RLF: variants seen among roughly 807,000 people sequenced by gnomAD.
RLF encodes the protein RLF zinc finger.
In RLF, 7 loss-of-function variants were observed where a neutral mutation model predicts 162.9. The ratio of observed to expected loss-of-function variants is 0.04; its 90% CI spans 0.02 to 0.08. The LOEUF is 0.08. Ranked by LOEUF, RLF falls within the 10% of genes least tolerant of loss-of-function variation. The pLI, the probability that RLF is intolerant of heterozygous loss-of-function variation, is 1.00. For missense variants in RLF, 1,664 were observed against 2,244.7 expected (o/e 0.74, Z 5.23); for synonymous variants, 782 against 791.5 (o/e 0.99, Z 0.20).
In RLF at chr1:40,235,878, A is replaced by G. The variant is rs1464492384; in HGVS notation, c.1176A>G (p.Ala392=). 2 of 1,614,134 alleles carry G rather than the reference A, an allele frequency of 1.2e-6. No homozygotes were observed. Among genetic ancestry groups the G allele is most frequent in the Non-Finnish European group, 1.7e-6 (2 of 1,179,990 alleles). Residue 392 remains alanine (A), a synonymous_variant, in exon 8 of 8, where the codon GCA becomes GCG. Coordinates refer to ENST00000372771, the MANE Select transcript of RLF (RefSeq NM_012421.4). ...LRSSEDEEMK[A]SVCKTIACLL... The stretch of plus-strand genomic sequence containing the variant: ...CAAGTGAAGATGAGGAAATGAAGGC[A>G]TCAGTTTGTAAAACAATTGCCTGTC...
rs182511008 is a variant in RLF, at chr1:40,213,374, C to A, written c.811-9200C>A. ...TCAAGAATTCAGCAGGACGTTTCAG[C>A]CTTCTTTCAGATACACACTGTGATA... is the stretch of plus-strand genomic sequence containing the variant. On this transcript the variant is annotated intron_variant, in intron 5 of 7. Transcript: ENST00000372771. Among the ~76,000 whole-genome samples, 42 of 152,290 alleles carry A rather than the reference C, an allele frequency of 2.8e-4. 1 individual carries two copies. The East Asian group carries it at 5.0e-3, about 18-fold the overall frequency.
intron 1 of RLF, among the ~76,000 whole-genome samples, chr1:40,170,536 A>G (rs950164568): frequency 1.3e-5 from 2 of 152,122 alleles, no homozygotes; most frequent in Admixed American, 6.5e-5. Flanking sequence ...GTGAGTGCCA[A>G]CTTGCCCGGC....
At position 40,202,634 on chromosome 1, in the gene RLF, C is replaced by T. The variant is rs761696896; in HGVS notation, c.810+20C>T. 4 of 1,359,514 alleles carry T rather than the reference C, an allele frequency of 2.9e-6. No individual in the cohort carries two copies. Among genetic ancestry groups the T allele is most frequent in the Non-Finnish European group, 4.0e-6 (4 of 1,000,512 alleles). The allele number at this position is 1,359,514 out of a possible 1,614,324, so 84.2% of individuals were successfully genotyped here. On this transcript the variant is annotated intron_variant, in intron 5 of 7. Transcript: ENST00000372771. ...AAGGAGGTGAGTAAATAATTGTTGT[C>T]ATTCAAACTTGGTATTAATTTAATA...
intron 6 of RLF, among the ~76,000 whole-genome samples, chr1:40,225,807 G>A (rs1332793782): frequency 6.9e-6 from 1 of 145,794 alleles, no homozygotes; most frequent in Non-Finnish European, 1.5e-5. Flanking sequence ...AACCTGGGAG[G>A]CAGAGCTTGC....
intron 1 of RLF, among the ~76,000 whole-genome samples, chr1:40,173,758 G>A (rs780017131): frequency 2.6e-5 from 4 of 151,988 alleles, no homozygotes; most frequent in Non-Finnish European, 4.4e-5. Flanking sequence ...CAAGTGATCC[G>A]CCCACCTTGG....
Position 40,238,466 on chromosome 1 carries a change from C to G in RLF, c.3764C>G (p.Thr1255Arg), listed in dbSNP as rs557463951. ...HPKKDECSSE[T>R]DLESSCEETE... ...AAAAAGGATGAATGTAGTTCTGAAA[C>G]AGATTTGGAATCATCTTGTGAAGAA... The change falls in exon 8 of 8, where the codon ACA becomes AGA. Residue 1255 changes from threonine to arginine, a missense_variant. By Grantham distance (71) the Thr-to-Arg change is moderately conservative. Around this residue, in one of 15 missense-constraint regions of RLF, gnomAD observed 102 missense variants for 109.5 expected, o/e 0.93. Coordinates refer to ENST00000372771, the MANE Select transcript of RLF (RefSeq NM_012421.4). This position sits in a 1 kb window ranked among gnomAD's most constrained non-coding sequence, Gnocchi z 5.2. 1.9e-6 allele frequency: 3 copies of G among 1,614,080 alleles called. No homozygotes were observed. The highest frequency in any genetic ancestry group is 2.5e-6 in the Non-Finnish European group (3 of 1,180,000).
intron 1 of RLF, among the ~76,000 whole-genome samples, chr1:40,169,645 AT>A (rs1166560067): frequency 6.7e-5 from 10 of 149,746 alleles, no homozygotes; most frequent in African/African-American, 2.0e-4. Flanking sequence ...AAAAAAAAAA[AT>A]AAGTGCTTCT....
intron 6 of RLF, among the ~76,000 whole-genome samples, chr1:40,227,667 T>G: frequency 6.6e-6 from 1 of 152,180 alleles, no homozygotes; most frequent in East Asian, 1.9e-4. Flanking sequence ...AATACTTAAT[T>G]TGGAATAAAC....
chr1:40,193,034 T>C (rs1460925264), intron 3 of RLF, among the ~76,000 whole-genome samples: 1 of 151,756 alleles, frequency 6.6e-6, no homozygotes, highest in Non-Finnish European at 1.5e-5. Flanking sequence ...GAATTCTGTT[T>C]TGTGGTTGTG....
At chr1:40,200,922 A>T (rs1642705740) in intron 4 of RLF, among the ~76,000 whole-genome samples, 1 of 128,300 alleles carries the variant, frequency 7.8e-6, no homozygotes, top group Admixed American at 7.8e-5. Flanking sequence ...ACACACACAC[A>T]CACACACACA....
At chr1:40,225,135 GAT>G (rs1222698893) in intron 6 of RLF, among the ~76,000 whole-genome samples, 1 of 152,098 alleles carries the variant, frequency 6.6e-6, no homozygotes, top group African/African-American at 2.4e-5. Context: ...GGATAAGAGA[GAT>G]ATCAGTATTT....
At chr1:40,191,455 T>G (rs577166751) in intron 3 of RLF, among the ~76,000 whole-genome samples, 1 of 151,910 alleles carries the variant, frequency 6.6e-6, no homozygotes, top group East Asian at 1.9e-4. Flanking sequence ...GGATAATCGC[T>G]TGAACCCAGA....
chr1:40,175,142 G>A (rs1392382779), intron 1 of RLF, among the ~76,000 whole-genome samples: 1 of 128,978 alleles, frequency 7.8e-6, no homozygotes, highest in Non-Finnish European at 1.6e-5. Flanking sequence ...AGTGAGCTGT[G>A]TTTGTGCCAC....
intron 5 of RLF, among the ~76,000 whole-genome samples, chr1:40,208,556 T>A (rs562904847): frequency 1.3e-5 from 2 of 152,340 alleles, no homozygotes; most frequent in Admixed American, 1.3e-4. Flanking sequence ...GGCTCATGAC[T>A]GTAATCCCAG....
At chr1:40,226,986 C>T (rs1049436209) in intron 6 of RLF, among the ~76,000 whole-genome samples, 2 of 152,192 alleles carry the variant, frequency 1.3e-5, no homozygotes, top group African/African-American at 4.8e-5. Context: ...GCCTCATCCT[C>T]CTGAGTAGCT....
chr1:40,221,976 G>GT lies in RLF; in HGVS notation c.811-592dup, dbSNP rs531703525. 1.1e-4 allele frequency among the ~76,000 whole-genome samples: 17 copies of GT among 149,686 alleles called. No individual in the cohort carries two copies. The South Asian group carries it at 2.8e-3, about 24-fold the overall frequency. ...TGATTTGTCCAGAGGATTTTTATTT[G>GT]TTTTTTGTTTGTTTTTTTAAGATTT... On this transcript the variant is annotated intron_variant, in intron 5 of 7. Transcript: ENST00000372771.
chr1:40,232,553 G>A (rs1041386176), intron 7 of RLF, among the ~76,000 whole-genome samples: 5 of 152,134 alleles, frequency 3.3e-5, no homozygotes, highest in African/African-American at 1.2e-4. Flanking sequence ...AGTTCCTGTG[G>A]TTGTAGGACT....
chr1:40,191,540 A>G (rs1159598470), intron 3 of RLF, among the ~76,000 whole-genome samples: 2 of 142,308 alleles, frequency 1.4e-5, no homozygotes, highest in African/African-American at 2.6e-5. Context: ...TCTGTCTCGG[A>G]AAAAAAAAAA....
In RLF at chr1:40,236,877, T is replaced by C. The variant is rs1238839500; in HGVS notation, c.2175T>C (p.Ser725=). 2 of 1,614,198 alleles carry C rather than the reference T, an allele frequency of 1.2e-6. No homozygotes were observed. The highest frequency in any genetic ancestry group is 1.7e-5 in the Admixed American group (1 of 60,034). The part of the protein sequence containing the change: ...KCTYCRRHFM[S]AFHLREHEQV... ...CTTACTGTCGACGACATTTTATGTC[T>C]GCTTTTCACCTTCGAGAGCACGAAC... The change falls in exon 8 of 8, where the codon TCT becomes TCC. Residue 725 remains serine (S), a synonymous_variant. Coordinates refer to ENST00000372771, the MANE Select transcript of RLF (RefSeq NM_012421.4). The surrounding 1 kb of genome is among the most constrained non-coding windows in gnomAD (Gnocchi z 7.7).
Sources: allele counts gnomAD v4.1 joint callset (sites outside exome capture counted in the v4.1 genomes callset), GRCh38; gene constraint gnomAD v4.1.1; regional missense constraint gnomAD v4.1.1; non-coding constraint Gnocchi (gnomAD v3.1); transcripts MANE v1.5; gene names NCBI Gene and HGNC (gene_info 2026-07-23, HGNC 2026-07-21).